The following TRPM1 variants were observed in gnomAD, a reference collection of about 807,000 sequenced individuals.
The protein encoded by TRPM1 is transient receptor potential cation channel subfamily M member 1.
A neutral mutation model predicts 149.4 loss-of-function variants in TRPM1; 113 were observed. The ratio of observed to expected loss-of-function variants is 0.76; its 90% CI spans 0.65 to 0.88. The LOEUF (loss-of-function observed/expected upper bound fraction) is 0.88, where lower values mean the gene tolerates loss of function less well. TRPM1 is among the 40% of genes least tolerant of loss of function. The pLI is 0.00. For missense variants in TRPM1, 1,976 were observed against 2,038.7 expected, an observed-to-expected ratio of 0.97 and a Z score of 0.59; for synonymous variants, 741 against 759.5, an observed-to-expected ratio of 0.98 and a Z score of 0.40.
At chr15:31,127,610 T>G (rs1280795028) in intron 1 of TRPM1, among the ~76,000 whole-genome samples, 1 of 152,122 alleles carries the variant, frequency 6.6e-6, no homozygotes, top group African/African-American at 2.4e-5. Context: ...CAACTTGACC[T>G]CACACAGCTT....
chr15:31,135,409 A>T (rs907315682), intron 1 of TRPM1, among the ~76,000 whole-genome samples: 3 of 152,202 alleles, frequency 2.0e-5, no homozygotes, highest in Non-Finnish European at 2.9e-5. Flanking sequence ...TTACTTGTCA[A>T]TTAAAAAAAT....
At chr15:31,065,092 C>A (rs1334380694) in intron 7 of TRPM1, 1 of 534,646 alleles carries the variant, frequency 1.9e-6, no homozygotes, top group East Asian at 5.4e-5. Flanking sequence ...TGCTCAGAGC[C>A]CTAGGCGAAG....
At chr15:31,123,880 G>A (rs1038840463) in intron 1 of TRPM1, among the ~76,000 whole-genome samples, 8 of 148,390 alleles carry the variant, frequency 5.4e-5, no homozygotes, top group African/African-American at 2.0e-4. Context: ...ACCAAAACCT[G>A]CACACAAATG....
chr15:31,104,757 C>CAA (rs2035577652), upstream of TRPM1, among the ~76,000 whole-genome samples: 1 of 151,874 alleles, frequency 6.6e-6, no homozygotes, highest in Non-Finnish European at 1.5e-5. Flanking sequence ...CCACGCCCGG[C>CAA]CAATTTTTTT....
At chr15:31,056,431 T>C (rs576698325) in intron 11 of TRPM1, among the ~76,000 whole-genome samples, 1 of 152,314 alleles carries the variant, frequency 6.6e-6, no homozygotes, top group African/African-American at 2.4e-5. Context: ...TGTGAAATTT[T>C]CAAGCACTGA....
chr15:31,136,717 G>A (rs1391349925), intron 1 of TRPM1, among the ~76,000 whole-genome samples: 1 of 143,828 alleles, frequency 7.0e-6, no homozygotes, highest in African/African-American at 2.6e-5. Context: ...GCTTTTTGCT[G>A]TTTGTTTCTG....
At chr15:31,152,048 G>T (rs956649540) in intron 1 of TRPM1, among the ~76,000 whole-genome samples, 1 of 152,204 alleles carries the variant, frequency 6.6e-6, no homozygotes, top group South Asian at 2.1e-4. Flanking sequence ...TCCCTAGGAA[G>T]ACCTGCTGTC....
intron 1 of TRPM1, among the ~76,000 whole-genome samples, chr15:31,112,425 C>T (rs1252841457): frequency 6.6e-6 from 1 of 152,150 alleles, no homozygotes; most frequent in Non-Finnish European, 1.5e-5. Context: ...TTGTGGTGAG[C>T]CGAGATCGTG....
upstream of TRPM1, among the ~76,000 whole-genome samples, chr15:31,102,346 GCT>G (rs2035534319): frequency 1.3e-5 from 2 of 152,324 alleles, no homozygotes; most frequent in South Asian, 4.1e-4. Flanking sequence ...GGTTATTCCA[GCT>G]TTCCATGAGC....
chr15:31,009,106 G>T (rs2032093231), intron 27 of TRPM1, among the ~76,000 whole-genome samples: 1 of 151,900 alleles, frequency 6.6e-6, no homozygotes, highest in South Asian at 2.1e-4. Context: ...TGCTAGCAAT[G>T]AATTCTTTGT....
At chr15:31,140,139 G>A (rs2036140535) in intron 1 of TRPM1, among the ~76,000 whole-genome samples, 1 of 151,632 alleles carries the variant, frequency 6.6e-6, no homozygotes, top group African/African-American at 2.4e-5. Flanking sequence ...GGCCGTGGTG[G>A]GTGGATCACC....
chr15:31,079,102 T>C (rs1188476397), intron 2 of TRPM1, among the ~76,000 whole-genome samples: 3 of 152,208 alleles, frequency 2.0e-5, no homozygotes, highest in Non-Finnish European at 2.9e-5. Flanking sequence ...GAACTCATGG[T>C]TTGTAATATA....
upstream of TRPM1, among the ~76,000 whole-genome samples, chr15:31,105,222 C>T (rs1361460416): frequency 6.6e-6 from 1 of 152,182 alleles, no homozygotes; most frequent in Non-Finnish European, 1.5e-5. Context: ...TCTGACGCCA[C>T]CCCAGGAATC....
At chr15:31,104,118 AG>A (rs2035565189), upstream of TRPM1, among the ~76,000 whole-genome samples, 1 of 152,066 alleles carries the variant, frequency 6.6e-6, no homozygotes, top group Non-Finnish European at 1.5e-5. Flanking sequence ...ACCACCGTGA[AG>A]GGTGGATACT....
At chr15:31,020,391 G>A (rs1444210988) in intron 27 of TRPM1, among the ~76,000 whole-genome samples, 1 of 152,194 alleles carries the variant, frequency 6.6e-6, no homozygotes, top group South Asian at 2.1e-4. Flanking sequence ...GTTTTTGGGC[G>A]CATGGCCTCC....
rs75638145 is a variant in TRPM1 at position 31,160,944 on chromosome 15, G to A, written c.16C>T (p.Arg6Trp). The A allele has an allele frequency of 0.13, 203,817 of 1,534,778 alleles. 15,007 individuals carry two copies. The highest frequency in any genetic ancestry group is 0.15 in the Non-Finnish European group (170,497 of 1,146,128). The change falls in exon 1 of 27, where the codon CGG becomes TGG. Residue 6 changes from arginine to tryptophan, a missense_variant. Arg to Trp is a moderately radical substitution (Grantham distance 101). Coordinates refer to the TRPM1 transcript ENST00000542188. ...GATGTGGAGCTCTTGAGCGAGCCCCGCTTGAAGGAGCTCATCTCTCTCAGT... is the reference window on the plus strand; with the variant it reads ...GATGTGGAGCTCTTGAGCGAGCCCCACTTGAAGGAGCTCATCTCTCTCAGT...
At position 31,002,178 on chromosome 15, in the gene TRPM1, G is replaced by C. The variant is rs747164653; in HGVS notation, c.4522C>G (p.Pro1508Ala). ...KITRSHSTDI[P>A]YIVSEAAVQA... ...ACTGCAGCTTCCGACACAATGTAAG[G>C]AATATCTGTGCTATGAGAGCGCGTG... The change falls in exon 28 of 28, where the codon CCT becomes GCT. Residue 1508 changes from proline to alanine, a missense_variant. Physicochemically the swap from Pro to Ala is conservative, Grantham distance 27 (BLOSUM62 -1). Coordinates refer to ENST00000256552, the MANE Select transcript of TRPM1 (RefSeq NM_001252024.2). The C allele has an allele frequency of 6.2e-7, 1 of 1,614,238 alleles. No individual in the cohort carries two copies. Among genetic ancestry groups the C allele is most frequent in the Non-Finnish European group, 8.5e-7 (1 of 1,180,042 alleles).
intron 1 of TRPM1, among the ~76,000 whole-genome samples, chr15:31,085,550 G>A (rs2034977499): frequency 6.6e-6 from 1 of 152,184 alleles, no homozygotes; most frequent in Non-Finnish European, 1.5e-5. Context: ...TGTCATTGCA[G>A]TTGTCATTAC....
At chr15:31,089,122 ACAG>A (rs1436349677) in intron 1 of TRPM1, among the ~76,000 whole-genome samples, 1 of 152,214 alleles carries the variant, frequency 6.6e-6, no homozygotes, top group East Asian at 1.9e-4. Flanking sequence ...CGTGATGAAT[ACAG>A]TGTGGAAACT....
Sources: gnomAD v4.1 joint callset for allele counts (sites outside exome capture counted in the v4.1 genomes callset) on GRCh38, gnomAD v4.1.1 for gene constraint, MANE v1.5 for transcripts, NCBI Gene and HGNC (gene_info 2026-07-23, HGNC 2026-07-21) for gene names.